Variants in ANO1 observed in about 807,000 individuals in gnomAD.
ANO1 encodes anoctamin-1.
In ANO1, 59 loss-of-function variants were observed where a neutral mutation model predicts 124.0. The ratio of observed to expected loss-of-function variants is 0.48; its 90% CI spans 0.39 to 0.59. The LOEUF (loss-of-function observed/expected upper bound fraction) is 0.59, where lower values mean the gene tolerates loss of function less well. Ranked by LOEUF, ANO1 falls within the 20% of genes least tolerant of loss-of-function variation. ANO1 has a pLI of 0.00. For missense variants in ANO1, 1,059 were observed against 1,328.0 expected, an observed-to-expected ratio of 0.80 and a Z score of 3.15; for synonymous variants, 529 against 532.0, an observed-to-expected ratio of 0.99 and a Z score of 0.08.
intron 1 of ANO1, among the ~76,000 whole-genome samples, chr11:70,060,871 G>A (rs1393063810): frequency 6.6e-6 from 1 of 152,178 alleles, no homozygotes; most frequent in Non-Finnish European, 1.5e-5. Flanking sequence ...GTCAGGGAGT[G>A]CTAGTGTGGG....
the ANO1 span, among the ~76,000 whole-genome samples, chr11:69,973,957 A>G: frequency 6.6e-6 from 1 of 152,204 alleles, no homozygotes; most frequent in East Asian, 1.9e-4. Flanking sequence ...AAAAAATAAG[A>G]CAATCTGGAA....
intron 24 of ANO1, among the ~76,000 whole-genome samples, chr11:70,183,419 A>G (rs978490129): frequency 6.6e-6 from 1 of 152,176 alleles, no homozygotes; most frequent in Non-Finnish European, 1.5e-5. Flanking sequence ...CTTGGGTCAG[A>G]TGTCCATTCT....
chr11:70,020,413 C>T (rs1856781024), intron 1 of ANO1, among the ~76,000 whole-genome samples: 1 of 152,182 alleles, frequency 6.6e-6, no homozygotes, highest in Non-Finnish European at 1.5e-5. Context: ...TTGCCAGATG[C>T]CTTTGAAGAA....
intron 2 of ANO1, among the ~76,000 whole-genome samples, chr11:70,095,175 C>T (rs2044795535): frequency 6.8e-6 from 1 of 147,024 alleles, no homozygotes; most frequent in Admixed American, 7.0e-5. Flanking sequence ...CACCACACTT[C>T]AGCCTGGTTG....
At chr11:70,052,091 A>C (rs907756107) in intron 1 of ANO1, among the ~76,000 whole-genome samples, 3 of 150,730 alleles carry the variant, frequency 2.0e-5, no homozygotes, top group African/African-American at 7.5e-5. Flanking sequence ...GACTCTCCAC[A>C]CCATTTATTG....
intron 1 of ANO1, among the ~76,000 whole-genome samples, chr11:70,082,019 A>T (rs1590677296): frequency 6.6e-6 from 1 of 152,330 alleles, no homozygotes; most frequent in Admixed American, 6.5e-5. Context: ...TTTTATCCCC[A>T]CAAGAATCCT....
intron 3 of ANO1, 83 bp downstream of exon 3, chr11:70,103,247 C>T (rs1055497963): frequency 5.3e-5 from 59 of 1,103,692 alleles, no homozygotes; most frequent in South Asian, 1.2e-4. Flanking sequence ...ATGCCGACCT[C>T]GAGGCCCTGA....
intron 10 of ANO1, among the ~76,000 whole-genome samples, 200 bp from the exon 11 acceptor site, chr11:70,131,719 G>C (rs1011194179): frequency 6.6e-6 from 1 of 152,316 alleles, no homozygotes; most frequent in East Asian, 1.9e-4. Context: ...TGGGTCACAC[G>C]CCTGTGAAGC....
chr11:70,006,529 T>C (rs1252346586), intron 1 of ANO1, among the ~76,000 whole-genome samples: 2 of 151,238 alleles, frequency 1.3e-5, no homozygotes, highest in South Asian at 2.1e-4. Flanking sequence ...AAACAGCCTG[T>C]ATTTCACTCT....
rs1376144733 is a variant in ANO1, at chr11:70,161,353, A to G, written c.1771A>G (p.Thr591Ala). ...EVYGCIARWL[T>A]KIEVPKTEKS... is the part of the protein sequence containing the mutation. ...GTATGGCTGCATAGCCCGATGGCTCACCAAGATCGGTGAGTGCCCATGTTC... is the reference window on the plus strand; with the variant it reads ...GTATGGCTGCATAGCCCGATGGCTCGCCAAGATCGGTGAGTGCCCATGTTC... The change falls in exon 17 of 26, where the codon ACC becomes GCC. Residue 591 changes from threonine to alanine, a missense_variant. Transcript: ENST00000355303. The G allele has an allele frequency of 3.1e-6, 5 of 1,613,760 alleles. No homozygotes were observed. The African/African-American group carries it at 5.3e-5, about 17-fold the overall frequency.
intron 1 of ANO1, among the ~76,000 whole-genome samples, chr11:70,066,396 A>C (rs1464774119): frequency 2.0e-5 from 3 of 152,150 alleles, no homozygotes; most frequent in African/African-American, 7.2e-5. Flanking sequence ...AGTTGGAAAC[A>C]GGGGTCCCAG....
rs148073555 is a variant in ANO1 at position 70,126,716 on chromosome 11, C to T, written c.1097+521C>T. Among the ~76,000 whole-genome samples, 1,418 of 151,522 alleles carry T rather than the reference C, an allele frequency of 9.4e-3. 6 individuals carry two copies. The highest frequency in any genetic ancestry group is 0.014 in the Non-Finnish European group (982 of 67,932). ...GGTGAGACATGGATGCCAGAGGCCT[C>T]GGTGCAGGCTGGTGCTTGCGGGAGG... On this transcript the variant is annotated intron_variant, in intron 10 of 25. Coordinates refer to ENST00000355303, the MANE Select transcript of ANO1 (RefSeq NM_018043.7).
chr11:70,051,199 C>T (rs1226238651), intron 1 of ANO1, among the ~76,000 whole-genome samples: 4 of 152,220 alleles, frequency 2.6e-5, no homozygotes, highest in Non-Finnish European at 5.9e-5. Context: ...ACCCTGCACC[C>T]ATCACTGTGG....
upstream of ANO1, among the ~76,000 whole-genome samples, chr11:69,982,852 G>A (rs1443766666): frequency 5.3e-5 from 8 of 152,192 alleles, no homozygotes; most frequent in African/African-American, 9.7e-5. Context: ...GAGCCAAGCC[G>A]AACTGAAAAC....
chr11:69,976,335 C>T, the ANO1 span, among the ~76,000 whole-genome samples: 1 of 151,744 alleles, frequency 6.6e-6, no homozygotes, highest in Admixed American at 6.6e-5. Flanking sequence ...CGGTGAAACC[C>T]CGTCTACTAA....
chr11:70,164,398 C>T (rs1011680571), intron 19 of ANO1, among the ~76,000 whole-genome samples: 4 of 152,342 alleles, frequency 2.6e-5, no homozygotes, highest in Non-Finnish European at 4.4e-5. Context: ...GCCCAAGACA[C>T]GGGCCTCCTC....
chr11:70,091,020 G>A (rs2044605667), intron 2 of ANO1, among the ~76,000 whole-genome samples: 1 of 152,246 alleles, frequency 6.6e-6, no homozygotes, highest in Non-Finnish European at 1.5e-5. Context: ...GCTGTTGGAA[G>A]GAGCGATGGT....
At chr11:70,086,870 C>T (rs1292534391) in intron 1 of ANO1, among the ~76,000 whole-genome samples, 1 of 152,266 alleles carries the variant, frequency 6.6e-6, no homozygotes, top group African/African-American at 2.4e-5. Flanking sequence ...CACCCCTGGC[C>T]TCTGCTCAGG....
chr11:70,172,865 C>CA (rs59435571), intron 22 of ANO1, among the ~76,000 whole-genome samples: 117 of 139,844 alleles, frequency 8.4e-4, no homozygotes, highest in South Asian at 4.6e-3. Flanking sequence ...GACTCCATCT[C>CA]AAAAAAAAAA....
Sources: gnomAD v4.1 joint callset for allele counts (sites outside exome capture counted in the v4.1 genomes callset) on GRCh38, gnomAD v4.1.1 for gene constraint, MANE v1.5 for transcripts, NCBI Gene and HGNC (gene_info 2026-07-23, HGNC 2026-07-21) for gene names.